RSF1: variants seen among roughly 807,000 people sequenced by gnomAD.
RSF1 encodes remodeling and spacing factor 1, also known as HBV pX-associated protein 8.
RSF1 carries 13 observed loss-of-function variants against 145.2 expected under a neutral mutation model. That is an observed-to-expected ratio of 0.09 (90% confidence interval 0.06 to 0.14). The LOEUF is 0.14. Among genes scored for constraint, RSF1 ranks in the 10% least tolerant of loss-of-function variants. The pLI, the probability that RSF1 is intolerant of heterozygous loss-of-function variation, is 1.00. For missense variants in RSF1, 1,517 were observed against 1,718.2 expected, an observed-to-expected ratio of 0.88 and a Z score of 2.07; for synonymous variants, 577 against 592.6, an observed-to-expected ratio of 0.97 and a Z score of 0.38.
chr11:77,851,800 C>A, the RSF1 span, among the ~76,000 whole-genome samples: 3 of 152,134 alleles, frequency 2.0e-5, no homozygotes, highest in Non-Finnish European at 4.4e-5. Flanking sequence ...CATGCTTGTA[C>A]AGCCTGCAGA....
At chr11:77,734,608 T>C in intron 4 of RSF1, 1 of 1,524,702 alleles carries the variant, frequency 6.6e-7, no homozygotes, top group Non-Finnish European at 9.0e-7. Context: ...CACCTGCTCA[T>C]TCAGGTAATG....
At chr11:77,697,693 A>T (rs1245102534) in intron 7 of RSF1, among the ~76,000 whole-genome samples, 12 of 151,160 alleles carry the variant, frequency 7.9e-5, no homozygotes. Flanking sequence ...AATTAAAAAA[A>T]ATTTTTTATG....
chr11:77,739,736 G>A (rs1464578808), intron 4 of RSF1, among the ~76,000 whole-genome samples: 4 of 152,140 alleles, frequency 2.6e-5, no homozygotes, highest in Admixed American at 6.5e-5. Flanking sequence ...ATAGGACCCC[G>A]ATATCTTCCA....
chr11:77,828,447 C>T, the RSF1 span, among the ~76,000 whole-genome samples: 2 of 152,080 alleles, frequency 1.3e-5, no homozygotes, highest in Non-Finnish European at 1.5e-5. Flanking sequence ...GCAGATGGAT[C>T]ACAAGGTCAG....
At chr11:77,810,686 A>G (rs936484029) in intron 1 of RSF1, among the ~76,000 whole-genome samples, 1 of 152,056 alleles carries the variant, frequency 6.6e-6, no homozygotes, top group Non-Finnish European at 1.5e-5. Flanking sequence ...GCAGCCTCCT[A>G]GGTAGCTGGG....
intron 1 of RSF1, among the ~76,000 whole-genome samples, chr11:77,770,946 T>C (rs192207175): frequency 2.6e-5 from 4 of 152,178 alleles, no homozygotes; most frequent in African/African-American, 7.2e-5. Flanking sequence ...CTTATACTTA[T>C]ATAACCACTA....
At chr11:77,777,202 T>A (rs1301759357) in intron 1 of RSF1, among the ~76,000 whole-genome samples, 1 of 152,202 alleles carries the variant, frequency 6.6e-6, no homozygotes, top group Non-Finnish European at 1.5e-5. Context: ...ATTGCCATAA[T>A]ACCATTATTA....
At chr11:77,755,410 G>A (rs1948105764) in intron 2 of RSF1, among the ~76,000 whole-genome samples, 1 of 152,144 alleles carries the variant, frequency 6.6e-6, no homozygotes, top group Non-Finnish European at 1.5e-5. Flanking sequence ...CAGGAAAAAT[G>A]CTTTTAACTA....
intron 4 of RSF1, among the ~76,000 whole-genome samples, chr11:77,732,047 C>T (rs1384510164): frequency 4.6e-5 from 7 of 152,290 alleles, no homozygotes; most frequent in South Asian, 4.1e-4. Flanking sequence ...TTGGAAAAGC[C>T]GCAGATACTC....
chr11:77,686,527 A>C (rs1273683622), intron 9 of RSF1, among the ~76,000 whole-genome samples: 1 of 151,764 alleles, frequency 6.6e-6, no homozygotes, highest in Non-Finnish European at 1.5e-5. Context: ...CTGAAATAGT[A>C]ATCATTCTGT....
Position 77,701,492 on chromosome 11 carries a change from T to C in RSF1, c.1737A>G (p.Pro579=), listed in dbSNP as rs1347831355. ...KSPKTKKDKR[P]PILECLEKLE... ...ACTTTTCAAGACATTCTAGGATTGGTGGGCGCTTATCCTTCTTAGTTTTGG... is the reference window on the plus strand; with the variant it reads ...ACTTTTCAAGACATTCTAGGATTGGCGGGCGCTTATCCTTCTTAGTTTTGG... Residue 579 remains proline, a synonymous_variant, in exon 6 of 16, where the codon CCA becomes CCG. Transcript: ENST00000308488. 3.1e-6 allele frequency: 5 copies of C among 1,614,030 alleles called. No homozygotes were observed. The highest frequency in any genetic ancestry group is 4.2e-6 in the Non-Finnish European group (5 of 1,180,022).
chr11:77,683,700 C>T lies in RSF1; in HGVS notation c.3065+10G>A. ...CTCTTTTGCTGTAGACATTTCCATA[C>T]ACTTCATACCTGTAGCTTATACATT... On this transcript the variant is annotated intron_variant, in intron 11 of 15. Coordinates refer to ENST00000308488, the MANE Select transcript of RSF1 (RefSeq NM_016578.4). The T allele has an allele frequency of 1.3e-6, 2 of 1,574,362 alleles. No individual in the cohort carries two copies. The highest frequency in any genetic ancestry group is 1.7e-6 in the Non-Finnish European group (2 of 1,146,356).
Position 77,663,990 on chromosome 11 carries a change from C to G in RSF1, c.*2927G>C, listed in dbSNP as rs1183841402. 1.3e-5 allele frequency: 2 copies of G among 152,126 alleles called. No homozygotes were observed. Among genetic ancestry groups the G allele is most frequent in the African/African-American group, 4.8e-5 (2 of 41,416 alleles). 9.4% of individuals were successfully genotyped at this position (152,126 alleles called of 1,614,324 possible). ...TGAGTCTAAATCCATGGTTAGTGCT[C>G]TAAAAAAGATCCAAGACTGTCTAAA... On this transcript the variant is annotated 3_prime_UTR_variant, in exon 16 of 16. Transcript: ENST00000308488.
intron 1 of RSF1, among the ~76,000 whole-genome samples, chr11:77,805,544 A>G (rs562355002): frequency 2.0e-5 from 3 of 152,352 alleles, no homozygotes; most frequent in East Asian, 1.9e-4. Flanking sequence ...ATAGTTAATT[A>G]AAGTTAATTT....
At chr11:77,862,943 A>G in the RSF1 span, among the ~76,000 whole-genome samples, 1 of 152,074 alleles carries the variant, frequency 6.6e-6, no homozygotes. Flanking sequence ...CTTGGGGGGA[A>G]CGTTTCCCAT....
At chr11:77,850,845 TCA>T in the RSF1 span, 1 of 151,568 alleles carries the variant, frequency 6.6e-6, no homozygotes, top group Admixed American at 6.6e-5. Flanking sequence ...TGACAATAAA[TCA>T]CAGATACGAC....
the RSF1 span, among the ~76,000 whole-genome samples, chr11:77,868,176 C>T: frequency 6.6e-6 from 1 of 151,466 alleles, no homozygotes; most frequent in Non-Finnish European, 1.5e-5. Flanking sequence ...CTGCCTCAGC[C>T]TCCCGAGTAG....
At chr11:77,729,925 T>TAAAAAAAAAAAAAAAAA (rs1961160844) in intron 4 of RSF1, among the ~76,000 whole-genome samples, 2 of 48,196 alleles carry the variant, frequency 4.1e-5, no homozygotes, top group African/African-American at 7.9e-5. Flanking sequence ...AAAAAAAAAT[T>TAAAAAAAAAAAAAAAAA]GTGGAGGCCA....
Position 77,702,079 on chromosome 11 carries a change from G to A in RSF1, c.1150C>T (p.Leu384=). The change falls in exon 6 of 16, where the codon CTA becomes TTA. Residue 384 remains leucine, a synonymous_variant. Coordinates refer to ENST00000308488, the MANE Select transcript of RSF1 (RefSeq NM_016578.4). The stretch of plus-strand genomic sequence containing the variant: ...CTCAGTTTAATTTCTCGTTTTTTTA[G>A]TGGTATCTTGGCCTGCTGGTCATTT... ...LKNDQQAKIP[L]KKREIKLSDD... 6.2e-7 allele frequency: 1 copy of A among 1,612,280 alleles called. No homozygotes were observed. Among genetic ancestry groups the A allele is most frequent in the Non-Finnish European group, 8.5e-7 (1 of 1,179,580 alleles).
Sources: gnomAD v4.1 joint callset for allele counts (sites outside exome capture counted in the v4.1 genomes callset) on GRCh38, gnomAD v4.1.1 for gene constraint, MANE v1.5 for transcripts, NCBI Gene and HGNC (gene_info 2026-07-23, HGNC 2026-07-21) for gene names.